Variants in ALLC observed in about 807,000 individuals in gnomAD.
The protein encoded by ALLC is probable inactive allantoicase.
In ALLC, 40 loss-of-function variants were observed where a neutral mutation model predicts 45.0. The ratio of observed to expected loss-of-function variants is 0.89; its 90% CI spans 0.69 to 1.16. ALLC has a LOEUF of 1.16. Among genes scored for constraint, ALLC ranks in the 50% most tolerant of loss-of-function variants. ALLC has a pLI of 0.00. For synonymous variants in ALLC, 176 were observed against 178.1 expected, an observed-to-expected ratio of 0.99 and a Z score of 0.09; for missense variants, 488 against 493.1, an observed-to-expected ratio of 0.99 and a Z score of 0.10.
At chr2:3,654,642 A>C (rs532506906), upstream of ALLC, among the ~76,000 whole-genome samples, 55 of 152,366 alleles carry the variant, frequency 3.6e-4, no homozygotes, top group Middle Eastern at 3.4e-3. Flanking sequence ...ACACTGCCAG[A>C]AGCTCTGGGA....
intron 1 of ALLC, among the ~76,000 whole-genome samples, chr2:3,661,467 A>G (rs528243456): frequency 1.8e-4 from 28 of 152,290 alleles, no homozygotes; most frequent in African/African-American, 6.5e-4. Flanking sequence ...TTGATGTTCT[A>G]GGAGAAATGC....
intron 9 of ALLC, 65 bp downstream of exon 9, chr2:3,696,413 T>C: frequency 1.4e-6 from 2 of 1,401,904 alleles, no homozygotes; most frequent in Non-Finnish European, 9.8e-7. Context: ...AACTTTTTCT[T>C]TTAAATAAAC....
chr2:3,666,191 G>C (rs1572506418), intron 1 of ALLC, among the ~76,000 whole-genome samples: 1 of 152,382 alleles, frequency 6.6e-6, no homozygotes, highest in South Asian at 2.1e-4. Context: ...CCACAGGGGG[G>C]TGGCTGGGAG....
At chr2:3,678,603 T>A in intron 4 of ALLC, 48 bp downstream of exon 4, 1 of 1,512,042 alleles carries the variant, frequency 6.6e-7, no homozygotes, top group Non-Finnish European at 9.2e-7. Context: ...ACTGCAAAGT[T>A]AAAAACGCAG....
chr2:3,651,317 GGGGGT>G, the ALLC span, among the ~76,000 whole-genome samples: 3 of 23,346 alleles, frequency 1.3e-4, no homozygotes, highest in African/African-American at 1.0e-3. Flanking sequence ...GGTGGGTGGG[GGGGGT>G]GTGTGTGTGT....
At chr2:3,678,783 G>T (rs73140830) in intron 4 of ALLC, among the ~76,000 whole-genome samples, 2 of 152,212 alleles carry the variant, frequency 1.3e-5, no homozygotes, top group Non-Finnish European at 2.9e-5. Flanking sequence ...GCACGTTGTC[G>T]GGAAAATGAA....
chr2:3,684,388 T>G (rs13022803), intron 7 of ALLC, among the ~76,000 whole-genome samples: 40,838 of 152,128 alleles, frequency 0.27, 6,112 homozygotes, highest in Middle Eastern at 0.4. Context: ...TATGTTTTAT[T>G]TGGAAAAATT....
chr2:3,677,750 G>T (rs1667062535), intron 3 of ALLC, among the ~76,000 whole-genome samples: 2 of 152,286 alleles, frequency 1.3e-5, no homozygotes, highest in Middle Eastern at 3.4e-3. Context: ...CCCTTCCTCT[G>T]CTCCTGCCTG....
chr2:3,701,121 T>A (rs1667817591), intron 10 of ALLC, among the ~76,000 whole-genome samples: 1 of 152,214 alleles, frequency 6.6e-6, no homozygotes, highest in Non-Finnish European at 1.5e-5. Context: ...AAATATGTCA[T>A]AGGAAAATAT....
chr2:3,647,727 ACT>A, the ALLC span, among the ~76,000 whole-genome samples: 1 of 148,850 alleles, frequency 6.7e-6, no homozygotes, highest in Non-Finnish European at 1.5e-5. Context: ...CCTGGGGGTA[ACT>A]CACACATCCT....
At chr2:3,693,217 A>T (rs1031712214) in intron 7 of ALLC, among the ~76,000 whole-genome samples, 1 of 152,004 alleles carries the variant, frequency 6.6e-6, no homozygotes, top group African/African-American at 2.4e-5. Flanking sequence ...AACCCCCCTA[A>T]ATTTTACCAG....
At chr2:3,661,501 G>T (rs1666575083) in intron 1 of ALLC, among the ~76,000 whole-genome samples, 1 of 152,164 alleles carries the variant, frequency 6.6e-6, no homozygotes, top group South Asian at 2.1e-4. Flanking sequence ...CCATCTGCTG[G>T]AGGGAAAAGA....
chr2:3,664,839 G>C (rs940386797), intron 1 of ALLC, among the ~76,000 whole-genome samples: 1 of 151,012 alleles, frequency 6.6e-6, no homozygotes, highest in Non-Finnish European at 1.5e-5. Flanking sequence ...AGCTATGATC[G>C]TGCCACTGCA....
chr2:3,661,118 T>G (rs1666566128), intron 1 of ALLC, among the ~76,000 whole-genome samples: 1 of 152,144 alleles, frequency 6.6e-6, no homozygotes, highest in East Asian at 1.9e-4. Flanking sequence ...GTTCATTAGC[T>G]GAATGACATT....
In ALLC at chr2:3,671,177, C is replaced by T. The variant is rs1183049932; in HGVS notation, c.20C>T (p.Ser7Phe). MDMASESVGGKILFATD... is the reference protein window; with the variant it reads MDMASEFVGGKILFATD... ...CAGCTGATGGACATGGCATCTGAAT[C>T]CGTAGGAGGAAAAGTAAGTGGGTCT... Residue 7 changes from serine (S) to phenylalanine (F), a missense_variant, in exon 2 of 12, where the codon TCC becomes TTC. Ser to Phe is a radical substitution (Grantham distance 155). Coordinates refer to ENST00000252505, the MANE Select transcript of ALLC (RefSeq NM_018436.4). The T allele has an allele frequency of 6.2e-7, 1 of 1,611,486 alleles. No individual in the cohort carries two copies. Among genetic ancestry groups the T allele is most frequent in the South Asian group, 1.1e-5 (1 of 90,034 alleles).
chr2:3,649,537 G>C, the ALLC span, among the ~76,000 whole-genome samples: 1 of 152,144 alleles, frequency 6.6e-6, no homozygotes, highest in African/African-American at 2.4e-5. Flanking sequence ...CACCGCGCCC[G>C]GCCCCCAAAC....
chr2:3,679,358 C>T (rs776274035), intron 4 of ALLC, among the ~76,000 whole-genome samples: 15 of 152,104 alleles, frequency 9.9e-5, no homozygotes, highest in Non-Finnish European at 1.9e-4. Context: ...AGTGGTGGGG[C>T]TGGAGGCTGG....
chr2:3,692,843 G>A (rs1667558602), intron 7 of ALLC, among the ~76,000 whole-genome samples: 1 of 152,154 alleles, frequency 6.6e-6, no homozygotes, highest in Admixed American at 6.5e-5. Context: ...GGGTCACTGT[G>A]GCCCCAATAT....
intron 7 of ALLC, among the ~76,000 whole-genome samples, chr2:3,686,141 T>G (rs1445018072): frequency 1.3e-5 from 2 of 151,194 alleles, no homozygotes; most frequent in African/African-American, 4.8e-5. Context: ...TCATCCATTT[T>G]GATTTCATTT....
Sources: allele counts gnomAD v4.1 joint callset (sites outside exome capture counted in the v4.1 genomes callset), GRCh38; gene constraint gnomAD v4.1.1; transcripts MANE v1.5; gene names NCBI Gene and HGNC (gene_info 2026-07-23, HGNC 2026-07-21).